Variants in C4orf33 observed in about 807,000 individuals in gnomAD.
C4orf33 encodes chromosome 4 open reading frame 33.
C4orf33 carries 20 observed loss-of-function variants against 24.3 expected under a neutral mutation model. That is an observed-to-expected ratio of 0.82 (90% confidence interval 0.58 to 1.19). The LOEUF (loss-of-function observed/expected upper bound fraction) is 1.19, where lower values mean the gene tolerates loss of function less well. C4orf33 is among the 50% of genes most tolerant of loss of function. The pLI is 0.00. For synonymous variants in C4orf33, 67 were observed against 76.4 expected (o/e 0.88, Z 0.64); for missense variants, 207 against 225.9 (o/e 0.92, Z 0.54).
chr4:129,106,721 A>T, intron 3 of C4orf33, 74 bp downstream of exon 3: 1 of 753,460 alleles, frequency 1.3e-6, no homozygotes, highest in Non-Finnish European at 2.1e-6. Context: ...TAAATGATAT[A>T]GTAAAAGCTC....
intron 5 of C4orf33, among the ~76,000 whole-genome samples, chr4:129,111,068 G>A (rs893153898): frequency 4.6e-5 from 7 of 152,154 alleles, no homozygotes; most frequent in African/African-American, 1.2e-4. Context: ...GTGGAAGTAC[G>A]ATTATACATT....
In C4orf33 at chr4:129,115,192, A is replaced by C. The variant is rs1317406113; in HGVS notation, c.*3401A>C. On this transcript the variant is annotated 3_prime_UTR_variant, in exon 6 of 6. Transcript: ENST00000425929. The stretch of plus-strand genomic sequence containing the variant: ...ATAATGGCTGCCCACTTCCTTGAAG[A>C]CTCTGTGACAGATTGGACTCAATGT... 1.3e-5 allele frequency: 2 copies of C among 152,098 alleles called. No individual in the cohort carries two copies. The highest frequency in any genetic ancestry group is 2.4e-5 in the African/African-American group (1 of 41,424). The allele number at this position is 152,098 out of a possible 1,614,324, so 9.4% of individuals were successfully genotyped here.
rs1429366365 is a variant in C4orf33, at chr4:129,115,099, A to G, written c.*3308A>G. On this transcript the variant is annotated 3_prime_UTR_variant, in exon 6 of 6. Transcript: ENST00000425929. Reference sequence around the variant, plus strand: ...AAGAGAGAGATGATAACTATCAATTATAGACTTGAAATCAGTTACAGGAGC... The same window carrying G: ...AAGAGAGAGATGATAACTATCAATTGTAGACTTGAAATCAGTTACAGGAGC... 4 of 152,234 alleles carry G rather than the reference A, an allele frequency of 2.6e-5. No homozygotes were observed. Among genetic ancestry groups the G allele is most frequent in the South Asian group, 2.1e-4 (1 of 4,834 alleles). 9.4% of individuals were successfully genotyped at this position (152,234 alleles called of 1,614,324 possible). A position where few individuals can be genotyped will look rare whatever the true frequency, so the allele number is the denominator to read the frequency against.
upstream of C4orf33, among the ~76,000 whole-genome samples, chr4:129,095,083 T>C (rs2774280): frequency 1.3e-5 from 2 of 152,226 alleles, no homozygotes; most frequent in Non-Finnish European, 2.9e-5. Context: ...TTTTTTAGCT[T>C]ACATGATCAT....
chr4:129,098,272 G>C (rs1178406735), intron 1 of C4orf33, among the ~76,000 whole-genome samples: 3 of 152,078 alleles, frequency 2.0e-5, no homozygotes, highest in African/African-American at 7.2e-5. Context: ...CTATCACCTG[G>C]GTAGTGAGCA....
Position 129,111,742 on chromosome 4 carries a change from G to A in C4orf33, c.551G>A (p.Trp184Ter). 1 of 1,612,574 alleles carries A rather than the reference G, an allele frequency of 6.2e-7. No homozygotes were observed. The highest frequency in any genetic ancestry group is 8.5e-7 in the Non-Finnish European group (1 of 1,179,020). ...FNFNTLLGEE[W>*]KQPESDLWLI... is the part of the protein sequence containing the mutation. ...TTTAACACACTGCTTGGAGAAGAGT[G>A]GAAACAACCGGAATCAGACCTGTGG... The change falls in exon 6 of 6, where the codon TGG becomes TAG. Residue 184 changes from tryptophan (W) to a stop codon, truncating the protein, a stop_gained. Transcript: ENST00000425929. LOFTEE classifies it high-confidence loss of function.
intron 3 of C4orf33, among the ~76,000 whole-genome samples, chr4:129,107,071 G>A (rs1753542390): frequency 6.6e-6 from 1 of 151,766 alleles, no homozygotes; most frequent in Admixed American, 6.6e-5. Flanking sequence ...TTCTTTTAGG[G>A]GATTTTTAAA....
chr4:129,102,466 G>A, intron 1 of C4orf33, 136 bp from the exon 2 acceptor site: 1 of 559,138 alleles, frequency 1.8e-6, no homozygotes, highest in Non-Finnish European at 3.0e-6. Flanking sequence ...ATAGCCTTTT[G>A]ACTCCCAGGA....
Position 129,100,470 on chromosome 4 carries a change from T to A in C4orf33, c.-9-2132T>A, listed in dbSNP as rs73848910. Among the ~76,000 whole-genome samples the A allele has an allele frequency of 3.8e-3, 579 of 152,172 alleles. 1 individual carries two copies. The highest frequency in any genetic ancestry group is 0.012 in the African/African-American group (480 of 41,526). ...ACACCTGCTATAAAGTCTACCACAC[T>A]CTGACCATGAGACCCACCATGTGTG... On this transcript the variant is annotated intron_variant, in intron 1 of 5. Coordinates refer to ENST00000425929, the MANE Select transcript of C4orf33 (RefSeq NM_001099783.2).
At chr4:129,102,439 C>A (rs1753383480) in intron 1 of C4orf33, among the ~76,000 whole-genome samples, 163 bp from the exon 2 acceptor site, 1 of 152,200 alleles carries the variant, frequency 6.6e-6, no homozygotes, top group Non-Finnish European at 1.5e-5. Context: ...AGAGTCTGTG[C>A]TTTGGCACAA....
At position 129,115,510 on chromosome 4, in the gene C4orf33, C is replaced by T. The variant is rs138834454; in HGVS notation, c.*3719C>T. ...TCAGTGGATAAATACTCCCCTTTTCCGTCCCTTGGGCAGACAATTCTGAAG... is the reference window on the plus strand; with the variant it reads ...TCAGTGGATAAATACTCCCCTTTTCTGTCCCTTGGGCAGACAATTCTGAAG... On this transcript the variant is annotated 3_prime_UTR_variant, in exon 6 of 6. Coordinates refer to ENST00000425929, the MANE Select transcript of C4orf33 (RefSeq NM_001099783.2). 3.3e-5 allele frequency: 5 copies of T among 152,134 alleles called. No homozygotes were observed. Among genetic ancestry groups the T allele is most frequent in the South Asian group, 2.1e-4 (1 of 4,822 alleles). The allele number at this position is 152,134 out of a possible 1,614,324, so 9.4% of individuals were successfully genotyped here.
At chr4:129,106,468 T>C (rs1753520372) in intron 2 of C4orf33, 119 bp from the exon 3 acceptor site, 6 of 530,244 alleles carry the variant, frequency 1.1e-5, no homozygotes, top group Admixed American at 4.1e-5. Flanking sequence ...CTTTTTCCTA[T>C]TGGGGATAGT....
chr4:129,104,945 T>C (rs1478406480), intron 2 of C4orf33, among the ~76,000 whole-genome samples: 1 of 143,946 alleles, frequency 6.9e-6, no homozygotes. Flanking sequence ...GCAGAAGATA[T>C]ATATGTGCAT....
chr4:129,102,781 G>T lies in C4orf33; in HGVS notation c.171G>T (p.Trp57Cys), dbSNP rs200102664. 1.2e-6 allele frequency: 2 copies of T among 1,611,248 alleles called. No homozygotes were observed. The highest frequency in any genetic ancestry group is 4.5e-5 in the East Asian group (2 of 44,802). Residue 57 changes from tryptophan to cysteine, a missense_variant, in exon 2 of 6, where the codon TGG becomes TGT. By Grantham distance (215) the Trp-to-Cys change is radical. Transcript: ENST00000425929. ...CAGGAAAACCTTTCAATGAACTGTG[G>T]GATTATGAAGGTAAGTGGAAGTACT... Reference protein sequence around the residue: ...GEPGKPFNELWDYEVVEAFFL... With the variant: ...GEPGKPFNELCDYEVVEAFFL...
At chr4:129,094,301 A>AT (rs56057120), upstream of C4orf33, among the ~76,000 whole-genome samples, 39,502 of 139,850 alleles carry the variant, frequency 0.28, 6,291 homozygotes, top group Non-Finnish European at 0.39. Context: ...CTTAAAACGT[A>AT]TTTTTTTAAA....
chr4:129,099,862 T>C (rs1453605615), intron 1 of C4orf33, among the ~76,000 whole-genome samples: 2 of 152,202 alleles, frequency 1.3e-5, no homozygotes, highest in African/African-American at 4.8e-5. Flanking sequence ...ACTTTTTAGG[T>C]TAATTTTTAT....
chr4:129,099,663 G>C (rs1753297572), intron 1 of C4orf33, among the ~76,000 whole-genome samples: 1 of 152,170 alleles, frequency 6.6e-6, no homozygotes, highest in East Asian at 1.9e-4. Context: ...ACCAGGAGGG[G>C]AGCGCTAGCC....
intron 1 of C4orf33, among the ~76,000 whole-genome samples, chr4:129,099,488 G>T (rs1753292066): frequency 6.6e-6 from 1 of 152,054 alleles, no homozygotes; most frequent in African/African-American, 2.4e-5. Context: ...AAAATCTAGA[G>T]TGTTAGATCC....
At position 129,102,980 on chromosome 4, in the gene C4orf33, AC is replaced by A. The variant is rs1753406772; in HGVS notation, c.181+190del. ...TTACCTGTGTGACTTTAACTATATA[AC>A]AAAAACAGTTAAAAAATGGCAATTA... is the stretch of plus-strand genomic sequence containing the variant. On this transcript the variant is annotated intron_variant, in intron 2 of 5. Transcript: ENST00000425929. The A allele has an allele frequency of 6.6e-6, 3 of 456,488 alleles. No individual in the cohort carries two copies. In the East Asian group the frequency reaches 1.1e-4, roughly 17 times the overall value. 28.3% of individuals were successfully genotyped at this position (456,488 alleles called of 1,614,324 possible).
Sources: allele counts gnomAD v4.1 joint callset (sites outside exome capture counted in the v4.1 genomes callset), GRCh38; gene constraint gnomAD v4.1.1; transcripts MANE v1.5; gene names NCBI Gene and HGNC (gene_info 2026-07-23, HGNC 2026-07-21).